PSTPIP2: variants seen among roughly 807,000 people sequenced by gnomAD.
PSTPIP2 encodes proline-serine-threonine phosphatase interacting protein 2, also known as proline-serine-threonine phosphatase-interacting protein 2.
Under a neutral mutation model 63.3 loss-of-function variants are expected in PSTPIP2, and 33 were observed. The observed-to-expected ratio is 0.52, with a 90% CI of 0.40 to 0.70. The LOEUF (loss-of-function observed/expected upper bound fraction) is 0.70. Ranked by LOEUF, PSTPIP2 falls within the 30% of genes least tolerant of loss-of-function variation. The pLI, the probability that PSTPIP2 is intolerant of heterozygous loss-of-function variation, is 0.00. For synonymous variants in PSTPIP2, 125 were observed against 132.7 expected (o/e 0.94, Z 0.40); for missense variants, 312 against 400.7 (o/e 0.78, Z 1.89).
At chr18:46,014,315 C>CT (rs386387571) in intron 4 of PSTPIP2, among the ~76,000 whole-genome samples, 1 of 96 alleles carries the variant, frequency 0.01, no homozygotes, top group Non-Finnish European at 0.031. Flanking sequence ...AGCCACCGCA[C>CT]AGGCCAAAAG....
intron 2 of PSTPIP2, among the ~76,000 whole-genome samples, chr18:46,036,375 G>A (rs35993475): frequency 7.9e-5 from 12 of 152,034 alleles, no homozygotes; most frequent in Non-Finnish European, 1.3e-4. Context: ...ATTTGCCTAA[G>A]GTCAGACAGC....
chr18:46,061,754 G>A (rs968761060), intron 1 of PSTPIP2, among the ~76,000 whole-genome samples: 1 of 152,152 alleles, frequency 6.6e-6, no homozygotes, highest in African/African-American at 2.4e-5. Flanking sequence ...GAGAGCTTAG[G>A]TCTTTTTGAA....
chr18:46,040,861 C>T lies in PSTPIP2; in HGVS notation c.34-814G>A, dbSNP rs111679292. 8.7e-3 allele frequency among the ~76,000 whole-genome samples: 1,322 copies of T among 152,336 alleles called. 12 individuals are homozygous for T. The highest frequency in any genetic ancestry group is 0.013 in the Non-Finnish European group (869 of 68,028). On this transcript the variant is annotated intron_variant, in intron 1 of 14. Transcript: ENST00000409746. Reference sequence around the variant, plus strand: ...GGGAGCTGGCTAGGCTGAGGTCCCTCTATGGATCCTCTACTGAAGCCCAAA... The same window carrying T: ...GGGAGCTGGCTAGGCTGAGGTCCCTTTATGGATCCTCTACTGAAGCCCAAA...
chr18:46,029,402 C>G, intron 2 of PSTPIP2: 1 of 1,502,358 alleles, frequency 6.7e-7, no homozygotes, highest in Non-Finnish European at 9.3e-7. Flanking sequence ...AAGTATATGC[C>G]TCTTCGGGGA....
intron 6 of PSTPIP2, 89 bp from the exon 7 acceptor site, chr18:45,999,623 G>A (rs2051641769): frequency 2.3e-6 from 3 of 1,324,018 alleles, no homozygotes; most frequent in Middle Eastern, 2.2e-4. Flanking sequence ...GTCCAGCATG[G>A]ACAGGGCCGT....
Position 46,065,800 on chromosome 18 carries a change from C to G in PSTPIP2, c.33+6356G>C, listed in dbSNP as rs190521557. 9.3e-3 allele frequency among the ~76,000 whole-genome samples: 1,407 copies of G among 152,084 alleles called. 16 individuals are homozygous for G. Among genetic ancestry groups the G allele is most frequent in the African/African-American group, 0.032 (1,329 of 41,514 alleles). Reference sequence around the variant, plus strand: ...TTTCTTTAGTAGAGACGAGATTTCACCATGTTGGCCAGGCTGGTCTCAAAC... The same window carrying G: ...TTTCTTTAGTAGAGACGAGATTTCAGCATGTTGGCCAGGCTGGTCTCAAAC... On this transcript the variant is annotated intron_variant, in intron 1 of 14. Transcript: ENST00000409746.
chr18:46,063,853 C>T (rs1180558836), intron 1 of PSTPIP2, among the ~76,000 whole-genome samples: 1 of 152,186 alleles, frequency 6.6e-6, no homozygotes, highest in Non-Finnish European at 1.5e-5. Flanking sequence ...CTATGACTGA[C>T]AGAGTGAAAC....
intron 1 of PSTPIP2, among the ~76,000 whole-genome samples, chr18:46,044,228 C>G (rs9964286): frequency 0.013 from 1,956 of 152,312 alleles, 28 homozygotes; most frequent in Admixed American, 0.036. Flanking sequence ...AAGAACAAAG[C>G]TGGAGGCATC....
At chr18:46,032,257 C>A (rs1907810640) in intron 2 of PSTPIP2, among the ~76,000 whole-genome samples, 1 of 152,084 alleles carries the variant, frequency 6.6e-6, no homozygotes, top group Admixed American at 6.6e-5. Flanking sequence ...AGATGCAAAC[C>A]AATATTTTAG....
chr18:46,003,041 C>T (rs771571408), intron 6 of PSTPIP2, among the ~76,000 whole-genome samples: 2 of 152,178 alleles, frequency 1.3e-5, no homozygotes, highest in Non-Finnish European at 2.9e-5. Context: ...CCTCAGGACA[C>T]CACTCCAGCA....
At chr18:45,991,354 T>C (rs1276780802) in intron 12 of PSTPIP2, among the ~76,000 whole-genome samples, 2 of 152,170 alleles carry the variant, frequency 1.3e-5, no homozygotes, top group Non-Finnish European at 2.9e-5. Context: ...GATTTAGACT[T>C]TGCTGGCCAC....
At chr18:46,072,041 G>A in intron 1 of PSTPIP2, 115 bp downstream of exon 1, 1 of 1,313,478 alleles carries the variant, frequency 7.6e-7, no homozygotes, top group Non-Finnish European at 1.0e-6. Context: ...CAAGCCCCCG[G>A]GCGCGCGGTC....
intron 9 of PSTPIP2, among the ~76,000 whole-genome samples, chr18:45,997,345 C>T (rs1427555071): frequency 6.6e-6 from 1 of 152,022 alleles, no homozygotes; most frequent in Non-Finnish European, 1.5e-5. Context: ...TGCGCCACCA[C>T]ACCCGGCTAA....
chr18:46,047,761 A>T (rs1365229926), intron 1 of PSTPIP2, among the ~76,000 whole-genome samples: 1 of 152,236 alleles, frequency 6.6e-6, no homozygotes, highest in Admixed American at 6.5e-5. Context: ...TTGGGAAAAA[A>T]TTTTAATCAC....
At chr18:46,022,508 G>A (rs1055962388) in intron 3 of PSTPIP2, among the ~76,000 whole-genome samples, 1 of 152,168 alleles carries the variant, frequency 6.6e-6, no homozygotes, top group African/African-American at 2.4e-5. Flanking sequence ...CCCTCAACAT[G>A]TTGGGGAAGG....
chr18:45,999,636 G>A, intron 6 of PSTPIP2, 102 bp from the exon 7 acceptor site: 1 of 1,138,596 alleles, frequency 8.8e-7, no homozygotes. Flanking sequence ...AGGGCCGTCT[G>A]ATTAGTGCTC....
chr18:46,033,175 A>G (rs1568223894), intron 2 of PSTPIP2, among the ~76,000 whole-genome samples: 1 of 152,200 alleles, frequency 6.6e-6, no homozygotes, highest in Non-Finnish European at 1.5e-5. Context: ...AAGGCCACCC[A>G]GGTGTCTAAA....
At chr18:46,005,359 AAAT>A (rs2051713844) in intron 6 of PSTPIP2, 107 bp downstream of exon 6, 14 of 962,984 alleles carry the variant, frequency 1.5e-5, no homozygotes, top group Non-Finnish European at 2.1e-5. Flanking sequence ...CTGCACTAAT[AAAT>A]AATAACATTT....
chr18:46,063,661 A>G (rs953425455), intron 1 of PSTPIP2, among the ~76,000 whole-genome samples: 2 of 152,196 alleles, frequency 1.3e-5, no homozygotes, highest in African/African-American at 4.8e-5. Flanking sequence ...ACAAAAATAT[A>G]TATTTTAAAA....
Sources: allele counts gnomAD v4.1 joint callset (sites outside exome capture counted in the v4.1 genomes callset), GRCh38; gene constraint gnomAD v4.1.1; transcripts MANE v1.5; gene names NCBI Gene and HGNC (gene_info 2026-07-23, HGNC 2026-07-21).